DAP3: variants seen among roughly 807,000 people sequenced by gnomAD.
DAP3 encodes small ribosomal subunit protein mS29.
A neutral mutation model predicts 51.9 loss-of-function variants in DAP3; 28 were observed. The observed-to-expected ratio is 0.54, with a 90% confidence interval of 0.40 to 0.74. The LOEUF (loss-of-function observed/expected upper bound fraction) is 0.74, where lower values mean the gene tolerates loss of function less well. Among genes scored for constraint, DAP3 ranks in the 30% least tolerant of loss-of-function variants. The pLI is 0.00. For missense variants in DAP3, 458 were observed against 483.5 expected (o/e 0.95, Z 0.49); for synonymous variants, 170 against 170.3 (o/e 1.00, Z 0.01).
At chr1:155,731,213 G>T (rs1445377663) in intron 9 of DAP3, 143 bp from the exon 10 acceptor site, 2 of 680,566 alleles carry the variant, frequency 2.9e-6, no homozygotes, top group African/African-American at 1.8e-5. Context: ...GTTGCAGTGA[G>T]CCCAAATCGC....
chr1:155,697,259 C>T (rs1215446697), intron 1 of DAP3, among the ~76,000 whole-genome samples: 1 of 152,124 alleles, frequency 6.6e-6, no homozygotes, highest in Non-Finnish European at 1.5e-5. Flanking sequence ...TCCCCCTGCA[C>T]TCACTCAGCT....
intron 1 of DAP3, among the ~76,000 whole-genome samples, chr1:155,700,755 C>T (rs1405549889): frequency 2.1e-5 from 3 of 144,894 alleles, no homozygotes; most frequent in Non-Finnish European, 3.1e-5. Flanking sequence ...GGGGGGTCAG[C>T]CCTCCGCCCA....
upstream of DAP3, chr1:155,688,519 T>A: frequency 1.9e-6 from 3 of 1,545,372 alleles, no homozygotes; most frequent in Non-Finnish European, 2.6e-6. Flanking sequence ...CGTCGCTGGC[T>A]GCTCCCACCA....
chr1:155,729,463 C>A, intron 9 of DAP3, 97 bp downstream of exon 9: 1 of 1,454,598 alleles, frequency 6.9e-7, no homozygotes. Flanking sequence ...AATATGTTTT[C>A]TTGCCCTAGG....
At chr1:155,708,701 A>ATTTT (rs1179008308) in intron 1 of DAP3, among the ~76,000 whole-genome samples, 3 of 125,880 alleles carry the variant, frequency 2.4e-5, no homozygotes, top group Non-Finnish European at 3.4e-5. Flanking sequence ...CTCCTGACTA[A>ATTTT]TTTTTTTTTT....
chr1:155,703,420 G>A (rs1244760266), intron 1 of DAP3, among the ~76,000 whole-genome samples: 1 of 152,140 alleles, frequency 6.6e-6, no homozygotes, highest in Non-Finnish European at 1.5e-5. Flanking sequence ...GAACGGTATG[G>A]GGAAACCGCC....
chr1:155,689,880 C>G (rs1292662395), intron 1 of DAP3, among the ~76,000 whole-genome samples: 1 of 150,866 alleles, frequency 6.6e-6, no homozygotes, highest in Non-Finnish European at 1.5e-5. Flanking sequence ...CCACTGCACT[C>G]CAGCCTGGCG....
At chr1:155,721,721 A>C (rs780240632) in intron 4 of DAP3, 103 bp downstream of exon 4, 108 of 1,129,134 alleles carry the variant, frequency 9.6e-5, no homozygotes, top group Non-Finnish European at 1.4e-4. Context: ...GATGAAATTT[A>C]ATCTGAAAAA....
intron 6 of DAP3, 74 bp downstream of exon 6, chr1:155,726,093 A>C (rs1377400698): frequency 4.3e-6 from 5 of 1,161,762 alleles, no homozygotes; most frequent in East Asian, 2.8e-5. Flanking sequence ...TGCAGCTTTA[A>C]TTTTCTTTTC....
Position 155,729,298 on chromosome 1 carries a change from C to T in DAP3, c.775C>T (p.Leu259=), listed in dbSNP as rs951124976. 5 of 1,613,994 alleles carry T rather than the reference C, an allele frequency of 3.1e-6. No individual in the cohort carries two copies. Among genetic ancestry groups the T allele is most frequent in the Admixed American group, 1.7e-5 (1 of 59,992 alleles). ...RQSSLGMFHL[L]VAVDGINALW... The stretch of plus-strand genomic sequence containing the variant: ...AAGTTCTTTGGGTATGTTTCACCTC[C>T]TAGTGGCCGTGGATGGAATCAATGC... The change falls in exon 9 of 13, where the codon CTA becomes TTA. Residue 259 remains leucine, a synonymous_variant. Coordinates refer to ENST00000368336, the MANE Select transcript of DAP3 (RefSeq NM_004632.4).
At chr1:155,729,492 G>C in intron 9 of DAP3, 126 bp downstream of exon 9, 1 of 1,308,400 alleles carries the variant, frequency 7.6e-7, no homozygotes, top group South Asian at 1.5e-5. Flanking sequence ...AAGATAAACA[G>C]TAAAGAGCTG....
At chr1:155,700,463 T>TGATAATGAA (rs1229966727) in intron 1 of DAP3, among the ~76,000 whole-genome samples, 2 of 152,232 alleles carry the variant, frequency 1.3e-5, no homozygotes, top group Non-Finnish European at 2.9e-5. Flanking sequence ...GCATAACACA[T>TGATAATGAA]GATAATGAAG....
At chr1:155,689,340 G>A in intron 1 of DAP3, 166 bp downstream of exon 1, 5 of 564,420 alleles carry the variant, frequency 8.9e-6, no homozygotes, top group Middle Eastern at 5.5e-4. Context: ...CGGCGTGGTG[G>A]TGTGCTTTTT....
chr1:155,710,485 C>G (rs978997796), intron 2 of DAP3: 1 of 152,172 alleles, frequency 6.6e-6, no homozygotes, highest in African/African-American at 2.4e-5. Flanking sequence ...CCACCTAGGC[C>G]TCCCAAAGTG....
Position 155,725,399 on chromosome 1 carries a change from A to G in DAP3, c.288A>G (p.Glu96=). The part of the protein sequence containing the change: ...RFVMQVKTFS[E]ACLMVRKPAL... ...TTTATCAGGTGAAGACATTCAGTGA[A>G]GCTTGCCTGATGGTAAGGAAACCAG... Residue 96 remains glutamate (E), a synonymous_variant, in exon 5 of 13, where the codon GAA becomes GAG. Transcript: ENST00000368336. 1 of 1,614,074 alleles carries G rather than the reference A, an allele frequency of 6.2e-7. No individual in the cohort carries two copies. Among genetic ancestry groups the G allele is most frequent in the Non-Finnish European group, 8.5e-7 (1 of 1,180,016 alleles).
intron 1 of DAP3, among the ~76,000 whole-genome samples, chr1:155,694,529 G>T (rs969125349): frequency 5.7e-5 from 8 of 141,550 alleles, no homozygotes; most frequent in Non-Finnish European, 1.0e-4. Flanking sequence ...TGCAAGGTGG[G>T]TCAGCCTCTT....
upstream of DAP3, chr1:155,688,109 G>A (rs1444870000): frequency 5.6e-6 from 9 of 1,610,168 alleles, no homozygotes; most frequent in South Asian, 8.8e-5. Flanking sequence ...ACAGGGAAGT[G>A]AGGAAGAGGG....
chr1:155,725,981 G>A lies in DAP3; in HGVS notation c.434G>A (p.Cys145Tyr). The stretch of plus-strand genomic sequence containing the variant: ...AGTCTTTGCCATGTTATTCATTTCT[G>A]TGCAAAACAGGACTGGCTGATACTA... ...TLSLCHVIHF[C>Y]AKQDWLILHI... Residue 145 changes from cysteine (C) to tyrosine (Y), a missense_variant, in exon 6 of 13, where the codon TGT (cysteine) becomes TAT (tyrosine). By Grantham distance (194) the Cys-to-Tyr change is radical. Coordinates refer to ENST00000368336, the MANE Select transcript of DAP3 (RefSeq NM_004632.4). 1 of 1,614,126 alleles carries A rather than the reference G, an allele frequency of 6.2e-7. No individual in the cohort carries two copies. Among genetic ancestry groups the A allele is most frequent in the Non-Finnish European group, 8.5e-7 (1 of 1,180,030 alleles).
chr1:155,729,371 G>A lies in DAP3; in HGVS notation c.843+5G>A. On this transcript the variant is annotated splice_donor_5th_base_variant and intron_variant, in intron 9 of 12. Coordinates refer to ENST00000368336, the MANE Select transcript of DAP3 (RefSeq NM_004632.4). ...AAAAGAGAAGATAAAAGCCCGGTAG[G>A]AAAACTGGGTGTCTCTATCTTGTTT... The A allele has an allele frequency of 6.2e-7, 1 of 1,612,978 alleles. No individual in the cohort carries two copies. Among genetic ancestry groups the A allele is most frequent in the Non-Finnish European group, 8.5e-7 (1 of 1,179,652 alleles).
Sources: gnomAD v4.1 joint callset for allele counts (sites outside exome capture counted in the v4.1 genomes callset) on GRCh38, gnomAD v4.1.1 for gene constraint, MANE v1.5 for transcripts, NCBI Gene and HGNC (gene_info 2026-07-23, HGNC 2026-07-21) for gene names.